KLB: variants seen among roughly 807,000 people sequenced by gnomAD.
KLB encodes the protein beta-klotho.
Under a neutral mutation model 88.4 loss-of-function variants are expected in KLB, and 44 were observed. That is an observed-to-expected ratio of 0.50 (90% CI 0.39 to 0.64). KLB has a LOEUF of 0.64. KLB is among the 30% of genes least tolerant of loss of function. The pLI is 0.00. For missense variants in KLB, 1,137 were observed against 1,304.8 expected, an observed-to-expected ratio of 0.87 and a Z score of 1.98; for synonymous variants, 548 against 513.4, an observed-to-expected ratio of 1.07 and a Z score of -0.91.
rs1156904455 is a variant in KLB, at chr4:39,449,484, G to C, written c.*798G>C. The stretch of plus-strand genomic sequence containing the variant: ...GGTCAGGGTGGTTCTAAAATGGAAA[G>C]AAAACACAATAGGGTAAGTAGTGCT... On this transcript the variant is annotated 3_prime_UTR_variant, in exon 5 of 5. Transcript: ENST00000257408. The C allele has an allele frequency of 6.6e-6, 1 of 152,024 alleles. No individual in the cohort carries two copies. The highest frequency in any genetic ancestry group is 1.9e-4 in the East Asian group (1 of 5,194). 9.4% of individuals were successfully genotyped at this position (152,024 alleles called of 1,614,324 possible).
chr4:39,429,707 C>A (rs1384968151), intron 1 of KLB, among the ~76,000 whole-genome samples: 1 of 152,112 alleles, frequency 6.6e-6, no homozygotes, highest in Admixed American at 6.5e-5. Flanking sequence ...GGTTGCACTC[C>A]CCTACTAACC....
chr4:39,446,710 C>T lies in KLB; in HGVS notation c.1984C>T (p.Leu662=). ...GCCTCTGTTGCATGCCGACGGGTGG[C>T]TGAACCCATCGACGGCCGAGGCCTT... ...PEPLLHADGW[L]NPSTAEAFQA... Residue 662 remains leucine (L), a synonymous_variant, in exon 4 of 5, where the codon CTG becomes TTG. Transcript: ENST00000257408. This position sits in a 1 kb window ranked among gnomAD's most constrained non-coding sequence, Gnocchi z 6.4. The T allele has an allele frequency of 6.2e-7, 1 of 1,608,978 alleles. No individual in the cohort carries two copies. The highest frequency in any genetic ancestry group is 1.7e-5 in the Admixed American group (1 of 59,830).
intron 1 of KLB, among the ~76,000 whole-genome samples, chr4:39,433,691 C>G (rs534619404): frequency 1.6e-4 from 25 of 152,184 alleles, no homozygotes; most frequent in African/African-American, 6.0e-4. Context: ...GAAACCCTGT[C>G]TCTACTGAAA....
chr4:39,439,565 A>C (rs533837446), intron 3 of KLB, among the ~76,000 whole-genome samples: 88 of 151,890 alleles, frequency 5.8e-4, no homozygotes, highest in Middle Eastern at 6.8e-3. Context: ...TCCCCAGTTC[A>C]AACGATTCTC....
In KLB at chr4:39,407,023, G is replaced by A. The variant is rs755268107; in HGVS notation, c.74G>A (p.Arg25His). 2.0e-5 allele frequency: 33 copies of A among 1,613,972 alleles called. No individual in the cohort carries two copies. Among genetic ancestry groups the A allele is most frequent in the Admixed American group, 8.3e-5 (5 of 59,980 alleles). Residue 25 changes from arginine (R) to histidine (H), a missense_variant, in exon 1 of 5, where the codon CGC becomes CAC. By Grantham distance (29) the Arg-to-His change is conservative. Around this residue, in one of 4 missense-constraint regions of KLB, gnomAD observed 111 missense variants for 118.3 expected, o/e 0.94. Coordinates refer to ENST00000257408, the MANE Select transcript of KLB (RefSeq NM_175737.4). ...TTCAGCACTGATGAAATAACCACAC[G>A]CTATAGGAATACAATGTCCAACGGG... ...IFFSTDEITT[R>H]YRNTMSNGGL...
intron 1 of KLB, among the ~76,000 whole-genome samples, chr4:39,417,150 G>A (rs1418370518): frequency 6.6e-6 from 1 of 151,600 alleles, no homozygotes; most frequent in Non-Finnish European, 1.5e-5. Flanking sequence ...GGAGAATAAC[G>A]TATCATAATT....
At chr4:39,424,686 C>A (rs1409493600) in intron 1 of KLB, among the ~76,000 whole-genome samples, 2 of 148,892 alleles carry the variant, frequency 1.3e-5, no homozygotes, top group African/African-American at 5.2e-5. Flanking sequence ...GGCTGGAGTG[C>A]AGTGGCGCTA....
intron 1 of KLB, among the ~76,000 whole-genome samples, chr4:39,417,403 C>T (rs1329033184): frequency 6.6e-6 from 1 of 152,090 alleles, no homozygotes; most frequent in Non-Finnish European, 1.5e-5. Context: ...TAACCTCAGC[C>T]TTCCAGGTTC....
At chr4:39,411,311 T>TTTTTG (rs139890679) in intron 1 of KLB, among the ~76,000 whole-genome samples, 3,938 of 141,832 alleles carry the variant, frequency 0.028, 214 homozygotes, top group African/African-American at 0.098. Context: ...ACTAAGGTTT[T>TTTTTG]TTTTGTTTTG....
rs1056274418 is a variant in KLB, at chr4:39,450,692, T to C, written c.*2006T>C. 6.6e-6 allele frequency: 1 copy of C among 152,148 alleles called. No individual in the cohort carries two copies. The highest frequency in any genetic ancestry group is 1.9e-4 in the East Asian group (1 of 5,202). 9.4% of individuals were successfully genotyped at this position (152,148 alleles called of 1,614,324 possible). On this transcript the variant is annotated 3_prime_UTR_variant, in exon 5 of 5. Coordinates refer to ENST00000257408, the MANE Select transcript of KLB (RefSeq NM_175737.4). ...TCACGCATACAACTAGTCAATTCTG[T>C]TTTTATTACTCTAACTATGTAGAAA... is the stretch of plus-strand genomic sequence containing the variant.
intron 1 of KLB, among the ~76,000 whole-genome samples, chr4:39,427,634 G>A (rs995370676): frequency 2.0e-5 from 3 of 152,128 alleles, no homozygotes; most frequent in East Asian, 1.9e-4. Context: ...GTTCAGCCAC[G>A]AGCCTTGGCA....
intron 3 of KLB, among the ~76,000 whole-genome samples, chr4:39,444,042 A>G (rs1743679396): frequency 6.6e-6 from 1 of 151,858 alleles, no homozygotes. Context: ...CTGTAATCCC[A>G]GCTACTCAGG....
At position 39,436,250 on chromosome 4, in the gene KLB, T is replaced by C. The variant is rs540102122; in HGVS notation, c.1337-1477T>C. ...CACAAGCCAGGAAGAAAATCCCAGG[T>C]GCTGCTGGAGAGAGCCTTCAGGGAG... is the stretch of plus-strand genomic sequence containing the variant. On this transcript the variant is annotated intron_variant, in intron 2 of 4. Transcript: ENST00000257408. 4.3e-4 allele frequency among the ~76,000 whole-genome samples: 65 copies of C among 152,296 alleles called. 2 individuals are homozygous for C. The South Asian group carries it at 0.013, about 31-fold the overall frequency.
At chr4:39,432,585 C>G (rs867424935) in intron 1 of KLB, among the ~76,000 whole-genome samples, 1 of 152,060 alleles carries the variant, frequency 6.6e-6, no homozygotes, top group Non-Finnish European at 1.5e-5. Context: ...CATGCTGCAT[C>G]CTTATTTTCC....
At chr4:39,432,328 C>A (rs1196219073) in intron 1 of KLB, among the ~76,000 whole-genome samples, 1 of 151,604 alleles carries the variant, frequency 6.6e-6, no homozygotes. Context: ...AAATGAGAGA[C>A]CAGGGAAGAG....
intron 3 of KLB, among the ~76,000 whole-genome samples, chr4:39,439,486 G>C (rs540690485): frequency 7.2e-6 from 1 of 138,912 alleles, no homozygotes. Context: ...TTGTTTTTGA[G>C]ACAGAGTCTC....
At chr4:39,417,300 G>A (rs1237814135) in intron 1 of KLB, among the ~76,000 whole-genome samples, 2 of 150,644 alleles carry the variant, frequency 1.3e-5, no homozygotes, top group Admixed American at 1.3e-4. Flanking sequence ...TCAAAAAAGT[G>A]GTTTTTTGTT....
At chr4:39,424,187 C>G (rs1040231183) in intron 1 of KLB, among the ~76,000 whole-genome samples, 6 of 151,718 alleles carry the variant, frequency 4.0e-5, no homozygotes, top group Non-Finnish European at 7.3e-5. Context: ...CCTCCCACCT[C>G]AGCCTCCTGA....
At chr4:39,422,559 G>T (rs959299355) in intron 1 of KLB, among the ~76,000 whole-genome samples, 1 of 152,118 alleles carries the variant, frequency 6.6e-6, no homozygotes, top group Non-Finnish European at 1.5e-5. Context: ...ACCTGGAACA[G>T]TGTCCGGCAC....
Sources: gnomAD v4.1 joint callset for allele counts (sites outside exome capture counted in the v4.1 genomes callset) on GRCh38, gnomAD v4.1.1 for gene constraint, gnomAD v4.1.1 regional missense constraint, Gnocchi (gnomAD v3.1) non-coding constraint, MANE v1.5 for transcripts, NCBI Gene and HGNC (gene_info 2026-07-23, HGNC 2026-07-21) for gene names.